FGF12: variants seen among roughly 807,000 people sequenced by gnomAD.
FGF12 encodes the protein fibroblast growth factor 12, also known as fibroblast growth factor 12B.
A neutral mutation model predicts 23.6 loss-of-function variants in FGF12; 14 were observed. That is an observed-to-expected ratio of 0.59 (90% CI 0.39 to 0.93). The LOEUF (loss-of-function observed/expected upper bound fraction) is 0.93, where lower values mean the gene tolerates loss of function less well. FGF12 is among the 40% of genes least tolerant of loss of function. The pLI, the probability that FGF12 is intolerant of heterozygous loss-of-function variation, is 0.00. For synonymous variants in FGF12, 62 were observed against 77.3 expected, an observed-to-expected ratio of 0.80 and a Z score of 1.04; for missense variants, 175 against 217.8, an observed-to-expected ratio of 0.80 and a Z score of 1.24.
intron 5 of FGF12, among the ~76,000 whole-genome samples, chr3:192,163,093 G>A (rs1008218651): frequency 6.6e-6 from 1 of 152,136 alleles, no homozygotes; most frequent in African/African-American, 2.4e-5. Context: ...GACTGAGGTA[G>A]AAGGAGATAA....
intron 4 of FGF12, chr3:192,267,149 G>A (rs1385247535): frequency 6.6e-6 from 1 of 152,112 alleles, no homozygotes; most frequent in East Asian, 1.9e-4. Context: ...GGTAAGCAAT[G>A]GAGGTTTAAT....
chr3:192,696,306 G>T (rs1560197547), intron 2 of FGF12, among the ~76,000 whole-genome samples: 2 of 152,086 alleles, frequency 1.3e-5, no homozygotes, highest in South Asian at 4.1e-4. Context: ...TTGCAGAGAA[G>T]CTCTGAGCAA....
chr3:192,158,621 TC>T (rs1400246584), intron 5 of FGF12, among the ~76,000 whole-genome samples: 24 of 35,006 alleles, frequency 6.9e-4, no homozygotes, highest in Admixed American at 2.7e-3. Context: ...CTTCCTTCTT[TC>T]TTTCTCTCTG....
chr3:192,143,732 A>G lies in FGF12; in HGVS notation c.*277T>C, dbSNP rs1460922. On this transcript the variant is annotated 3_prime_UTR_variant, in exon 6 of 6. Coordinates refer to ENST00000445105, the MANE Select transcript of FGF12 (RefSeq NM_004113.6). ...CTTCTACTAATAACAATACAGTTTA[A>G]TTTAATATTTATGGAGTTCTGATTT... is the stretch of plus-strand genomic sequence containing the variant. 0.66 allele frequency: 213,509 copies of G among 322,996 alleles called. 74,085 individuals are homozygous for G. Among genetic ancestry groups the G allele is most frequent in the Non-Finnish European group, 0.74 (131,090 of 177,212 alleles). The allele number at this position is 322,996 out of a possible 1,614,324, so 20.0% of individuals were successfully genotyped here. A position where few individuals can be genotyped will look rare whatever the true frequency, so the allele number is the denominator to read the frequency against.
At position 192,170,606 on chromosome 3, in the gene FGF12, G is replaced by A. The variant is rs2108618866; in HGVS notation, c.279C>T (p.Tyr93=). The A allele has an allele frequency of 6.2e-7, 1 of 1,612,816 alleles. No individual in the cohort carries two copies. Among genetic ancestry groups the A allele is most frequent in the Middle Eastern group, 1.7e-4 (1 of 6,060 alleles). Residue 93 remains tyrosine, a synonymous_variant, in exon 5 of 6, where the codon TAC becomes TAT. Coordinates refer to ENST00000445105, the MANE Select transcript of FGF12 (RefSeq NM_004113.6). ...CKFKESVFEN[Y]YVIYSSTLYR... ...ACAGTGTGGAAGAATAGATCACATA[G>A]TAGTTTTCAAACACAGATTCCTTGA... is the stretch of plus-strand genomic sequence containing the variant.
chr3:192,569,351 T>C (rs1413378071), intron 2 of FGF12, among the ~76,000 whole-genome samples: 1 of 152,244 alleles, frequency 6.6e-6, no homozygotes, highest in Non-Finnish European at 1.5e-5. Flanking sequence ...GAGTCATTCC[T>C]CAGGACAGTT....
At chr3:192,297,623 G>T (rs1301302783) in intron 4 of FGF12, among the ~76,000 whole-genome samples, 3 of 152,092 alleles carry the variant, frequency 2.0e-5, no homozygotes, top group Admixed American at 6.6e-5. Context: ...TTTGCAAAGT[G>T]CTTTAAAATA....
chr3:192,378,932 C>T (rs764159920), intron 2 of FGF12, among the ~76,000 whole-genome samples: 2 of 152,042 alleles, frequency 1.3e-5, no homozygotes, highest in Non-Finnish European at 2.9e-5. Context: ...TCAAGAAGGC[C>T]CTAGCATCTG....
intron 2 of FGF12, among the ~76,000 whole-genome samples, chr3:192,376,426 G>A (rs1474322131): frequency 1.3e-5 from 2 of 151,954 alleles, no homozygotes; most frequent in African/African-American, 2.4e-5. Flanking sequence ...GCAATGGCGT[G>A]ATCTTGGCTG....
Position 192,140,762 on chromosome 3 carries a change from A to AT in FGF12, c.*3246dup, listed in dbSNP as rs1713323978. ...TATCTCTTTATTGCGCCAATCCATA[A>AT]TGGCTAAAAATGTGCTATTAAATTG... On this transcript the variant is annotated 3_prime_UTR_variant, in exon 6 of 6. Coordinates refer to ENST00000445105, the MANE Select transcript of FGF12 (RefSeq NM_004113.6). 1 of 152,016 alleles carries AT rather than the reference A, an allele frequency of 6.6e-6. No homozygotes were observed. Among genetic ancestry groups the AT allele is most frequent in the Non-Finnish European group, 1.5e-5 (1 of 67,878 alleles). 9.4% of individuals were successfully genotyped at this position (152,016 alleles called of 1,614,324 possible). A position where few individuals can be genotyped will look rare whatever the true frequency, so the allele number is the denominator to read the frequency against.
chr3:192,156,068 T>C (rs1391441736), intron 5 of FGF12, among the ~76,000 whole-genome samples: 1 of 152,234 alleles, frequency 6.6e-6, no homozygotes, highest in Non-Finnish European at 1.5e-5. Context: ...TTTTTAAATC[T>C]CTTTTTTTTC....
intron 2 of FGF12, among the ~76,000 whole-genome samples, chr3:192,512,231 T>C (rs1348094240): frequency 6.6e-6 from 1 of 152,118 alleles, no homozygotes; most frequent in Non-Finnish European, 1.5e-5. Flanking sequence ...TGAGCTGTTT[T>C]TATACATTTG....
At chr3:192,519,138 C>G (rs934989519) in intron 2 of FGF12, among the ~76,000 whole-genome samples, 1 of 152,124 alleles carries the variant, frequency 6.6e-6, no homozygotes, top group Non-Finnish European at 1.5e-5. Context: ...AAACTTTATT[C>G]AGCTCTCACC....
At chr3:192,708,047 C>T (rs903009215) in intron 2 of FGF12, among the ~76,000 whole-genome samples, 53 of 152,264 alleles carry the variant, frequency 3.5e-4, no homozygotes, top group African/African-American at 1.2e-3. Flanking sequence ...GCAAGCTCCG[C>T]CTCCTGGGTT....
intron 2 of FGF12, among the ~76,000 whole-genome samples, chr3:192,700,874 T>C (rs1718271203): frequency 6.6e-6 from 1 of 152,190 alleles, no homozygotes; most frequent in African/African-American, 2.4e-5. Context: ...ACATGACTGG[T>C]AGCAGGCCCT....
chr3:192,329,238 G>T (rs1716985119), intron 4 of FGF12, among the ~76,000 whole-genome samples: 1 of 152,172 alleles, frequency 6.6e-6, no homozygotes, highest in Non-Finnish European at 1.5e-5. Context: ...AATTCTCATA[G>T]AGGATGGACA....
intron 2 of FGF12, among the ~76,000 whole-genome samples, chr3:192,392,590 CCGAGAGAGAGAG>C (rs1720345858): frequency 1.1e-5 from 1 of 89,086 alleles, no homozygotes; most frequent in Non-Finnish European, 1.9e-5. Context: ...AAGTGAAACT[CCGAGAGAGAGAG>C]AGAGAGAGAG....
intron 2 of FGF12, among the ~76,000 whole-genome samples, chr3:192,606,791 G>A (rs1297910088): frequency 6.6e-6 from 1 of 152,082 alleles, no homozygotes; most frequent in African/African-American, 2.4e-5. Context: ...CTCAAGTCTG[G>A]GCTATCAAAC....
intron 2 of FGF12, among the ~76,000 whole-genome samples, chr3:192,465,952 G>C (rs1313105140): frequency 1.3e-5 from 2 of 152,156 alleles, no homozygotes; most frequent in Non-Finnish European, 2.9e-5. Flanking sequence ...TCAGTGGATA[G>C]TGCAACTATG....
Sources: allele counts gnomAD v4.1 joint callset (sites outside exome capture counted in the v4.1 genomes callset), GRCh38; gene constraint gnomAD v4.1.1; transcripts MANE v1.5; gene names NCBI Gene and HGNC (gene_info 2026-07-23, HGNC 2026-07-21).